HUNK: variants seen among roughly 807,000 people sequenced by gnomAD.
The protein encoded by HUNK is hormonally up-regulated neu tumor-associated kinase.
In HUNK, 21 loss-of-function variants were observed where a neutral mutation model predicts 61.0. The observed-to-expected ratio is 0.34, with a 90% CI of 0.24 to 0.50. The LOEUF is 0.50. Ranked by LOEUF, HUNK falls within the 20% of genes least tolerant of loss-of-function variation. The probability of loss-of-function intolerance (pLI) is 0.98; values close to 1 mark genes in which losing one functional copy is unlikely to be tolerated. For missense variants in HUNK, 772 were observed against 945.7 expected, an observed-to-expected ratio of 0.82 and a Z score of 2.41; for synonymous variants, 371 against 386.1, an observed-to-expected ratio of 0.96 and a Z score of 0.46.
chr21:31,883,554 A>G (rs576033890), intron 1 of HUNK, among the ~76,000 whole-genome samples: 1 of 152,204 alleles, frequency 6.6e-6, no homozygotes, highest in South Asian at 2.1e-4. Flanking sequence ...TGCAGTGTCT[A>G]CCACCTTCCC....
At chr21:31,984,363 A>G (rs1452635873) in intron 8 of HUNK, among the ~76,000 whole-genome samples, 1 of 152,200 alleles carries the variant, frequency 6.6e-6, no homozygotes, top group Non-Finnish European at 1.5e-5. Flanking sequence ...AAGATGTATA[A>G]TGATTATGCG....
At chr21:31,949,216 C>T (rs564321736) in intron 4 of HUNK, among the ~76,000 whole-genome samples, 4 of 152,256 alleles carry the variant, frequency 2.6e-5, no homozygotes, top group African/African-American at 4.8e-5. Context: ...GTGCTGATGA[C>T]GGGCCCAGGT....
In HUNK at chr21:31,896,030, G is replaced by C. The variant is rs532273695; in HGVS notation, c.261+22095G>C. On this transcript the variant is annotated intron_variant, in intron 1 of 10. Transcript: ENST00000270112. ...GTATGCCTAGAAGAAGAGGAAATTT[G>C]GACACAGATGTGCGCACACACAGAG... Among the ~76,000 whole-genome samples the C allele has an allele frequency of 1.3e-5, 2 of 151,712 alleles. 1 individual carries two copies. Among genetic ancestry groups the C allele is most frequent in the South Asian group, 4.2e-4 (2 of 4,784 alleles).
chr21:31,998,583 C>A lies in HUNK; in HGVS notation c.1544C>A (p.Ser515Tyr), dbSNP rs1268809771. ...RKTSDSNCVA[S>Y]SSMEFIPVPP... ...ACCTCAGATTCCAATTGTGTGGCTTCTTCTTCCATGGAGTTCATCCCCGTG... is the reference window on the plus strand; with the variant it reads ...ACCTCAGATTCCAATTGTGTGGCTTATTCTTCCATGGAGTTCATCCCCGTG... The change falls in exon 11 of 11, where the codon TCT (serine) becomes TAT (tyrosine). Residue 515 changes from serine to tyrosine, a missense_variant. By Grantham distance (144) the Ser-to-Tyr change is moderately radical (BLOSUM62 -2). This residue lies in a region of HUNK where 413 missense variants were observed against 444.4 expected (regional missense o/e 0.93). Coordinates refer to ENST00000270112, the MANE Select transcript of HUNK (RefSeq NM_014586.2). The A allele has an allele frequency of 6.2e-7, 1 of 1,610,944 alleles. No individual in the cohort carries two copies.
Position 31,873,957 on chromosome 21 carries a change from G to A in HUNK, c.261+22G>A, listed in dbSNP as rs2052236917. 4 of 1,472,930 alleles carry A rather than the reference G, an allele frequency of 2.7e-6. No individual in the cohort carries two copies. The highest frequency in any genetic ancestry group is 1.3e-5 in the South Asian group (1 of 74,658). 91.2% of individuals were successfully genotyped at this position (1,472,930 alleles called of 1,614,324 possible). A position where few individuals can be genotyped will look rare whatever the true frequency, so the allele number is the denominator to read the frequency against. On this transcript the variant is annotated intron_variant, in intron 1 of 10. Transcript: ENST00000270112. The surrounding 1 kb of genome is among the most constrained non-coding windows in gnomAD (Gnocchi z 6.1). ...GAAGGTGAGTCTCCCGGGCGCCGTG[G>A]GGCTGGGGCACAGGGGCGGGAGTCG...
At position 32,000,746 on chromosome 21, in the gene HUNK, G is replaced by T. The variant is rs1267810480; in HGVS notation, c.*1562G>T. On this transcript the variant is annotated 3_prime_UTR_variant, in exon 11 of 11. Coordinates refer to ENST00000270112, the MANE Select transcript of HUNK (RefSeq NM_014586.2). ...AGCCTTGCCAGAAGGCAGAGAGGCA[G>T]TTCTGAATCATTCTCTCATTCACCA... is the stretch of plus-strand genomic sequence containing the variant. The T allele has an allele frequency of 5.0e-6, 2 of 398,554 alleles. No homozygotes were observed. The highest frequency in any genetic ancestry group is 4.4e-6 in the Non-Finnish European group (1 of 226,094). The allele number at this position is 398,554 out of a possible 1,614,324, so 24.7% of individuals were successfully genotyped here.
chr21:31,901,242 C>T (rs1601367102), intron 1 of HUNK, among the ~76,000 whole-genome samples: 1 of 152,250 alleles, frequency 6.6e-6, no homozygotes, highest in South Asian at 2.1e-4. Context: ...AACAGGTTCT[C>T]AGCTTGAGTT....
Position 31,974,562 on chromosome 21 carries a change from C to G in HUNK, c.1018C>G (p.Leu340Val). ...TCTCTCTGCACCTCGCAGGATTTCT[C>G]TGGAAGATCTGAGCCCGAGCGTCGT... ...CNVTYPNRIS[L>V]EDLSPSVVLH... is the part of the protein sequence containing the mutation. Residue 340 changes from leucine to valine, a missense_variant, in exon 7 of 11, where the codon CTG becomes GTG. By Grantham distance (32) the Leu-to-Val change is conservative. Coordinates refer to ENST00000270112, the MANE Select transcript of HUNK (RefSeq NM_014586.2). 1 of 1,612,788 alleles carries G rather than the reference C, an allele frequency of 6.2e-7. No homozygotes were observed. The highest frequency in any genetic ancestry group is 8.5e-7 in the Non-Finnish European group (1 of 1,179,440).
intron 2 of HUNK, among the ~76,000 whole-genome samples, chr21:31,933,239 G>T (rs2052710373): frequency 6.6e-6 from 1 of 152,020 alleles, no homozygotes; most frequent in Non-Finnish European, 1.5e-5. Context: ...TGTGCCTTGA[G>T]CCACACCCCT....
At position 31,995,749 on chromosome 21, in the gene HUNK, G is replaced by A. The variant is rs2053199932; in HGVS notation, c.1306-19G>A. On this transcript the variant is annotated intron_variant, in intron 9 of 10. Transcript: ENST00000270112. ...TTCTAGTATGTGTCTAAGTGCATAT[G>A]TTTGCTTCTGATTTGTAGGATAAAA... 2 of 1,606,988 alleles carry A rather than the reference G, an allele frequency of 1.2e-6. No homozygotes were observed. The highest frequency in any genetic ancestry group is 4.5e-5 in the East Asian group (2 of 44,876).
intron 5 of HUNK, among the ~76,000 whole-genome samples, chr21:31,965,464 A>C (rs2052957882): frequency 6.6e-6 from 1 of 152,134 alleles, no homozygotes; most frequent in Non-Finnish European, 1.5e-5. Flanking sequence ...TAAAAGTTAA[A>C]AAAAAATTTT....
In HUNK at chr21:31,873,286, G is replaced by A. The variant is rs980526714; in HGVS notation, c.-389G>A. 3 of 151,802 alleles carry A rather than the reference G, an allele frequency of 2.0e-5. No homozygotes were observed. The highest frequency in any genetic ancestry group is 6.6e-5 in the Admixed American group (1 of 15,224). 9.4% of individuals were successfully genotyped at this position (151,802 alleles called of 1,614,324 possible). A position where few individuals can be genotyped will look rare whatever the true frequency, so the allele number is the denominator to read the frequency against. Reference sequence around the variant, plus strand: ...AGGCTGCGGAGGCACCCGGGCTCCCGGACCCAGGCACCCGGACCCCGGGAC... The same window carrying A: ...AGGCTGCGGAGGCACCCGGGCTCCCAGACCCAGGCACCCGGACCCCGGGAC... On this transcript the variant is annotated 5_prime_UTR_variant, in exon 1 of 11. Coordinates refer to ENST00000270112, the MANE Select transcript of HUNK (RefSeq NM_014586.2). The surrounding 1 kb of genome is among the most constrained non-coding windows in gnomAD (Gnocchi z 6.1).
At chr21:31,914,130 G>A (rs983501208) in intron 1 of HUNK, among the ~76,000 whole-genome samples, 2 of 152,260 alleles carry the variant, frequency 1.3e-5, no homozygotes, top group South Asian at 2.1e-4. Flanking sequence ...GCCCTAGGCC[G>A]GGCGCAGTGG....
At chr21:31,990,464 C>T (rs560098886) in intron 9 of HUNK, among the ~76,000 whole-genome samples, 1 of 151,968 alleles carries the variant, frequency 6.6e-6, no homozygotes, top group African/African-American at 2.4e-5. Context: ...ATGAGACCCA[C>T]CCACATTATG....
chr21:31,899,496 A>G lies in HUNK; in HGVS notation c.262-24972A>G, dbSNP rs150981917. ...ATCAGCTCTATGGGATTAGGGACCC[A>G]TCCTACTCCACTATGATCTTATCTT... On this transcript the variant is annotated intron_variant, in intron 1 of 10. Transcript: ENST00000270112. 2.5e-4 allele frequency among the ~76,000 whole-genome samples: 38 copies of G among 152,302 alleles called. No homozygotes were observed. In the East Asian group the frequency reaches 3.7e-3, roughly 15 times the overall value.
chr21:31,921,105 A>G (rs1384078025), intron 1 of HUNK, among the ~76,000 whole-genome samples: 1 of 144,252 alleles, frequency 6.9e-6, no homozygotes, highest in Non-Finnish European at 1.5e-5. Flanking sequence ...GGAGCCGCCA[A>G]GATTGTGCCA....
rs747878987 is a variant in HUNK at position 31,958,956 on chromosome 21, C to T, written c.860C>T (p.Thr287Ile). ...MVDKEMNPLP[T>I]QLSTGAISFL... is the part of the protein sequence containing the mutation. ...GACAAAGAAATGAACCCCCTCCCCACTCAGCTCTCCACAGGTAATGCACCA... is the reference window on the plus strand; with the variant it reads ...GACAAAGAAATGAACCCCCTCCCCATTCAGCTCTCCACAGGTAATGCACCA... Residue 287 changes from threonine (T) to isoleucine (I), a missense_variant, in exon 5 of 11, where the codon ACT becomes ATT. By Grantham distance (89) the Thr-to-Ile change is moderately conservative. This residue lies in a region of HUNK where 359 missense variants were observed against 501.3 expected (regional missense o/e 0.72). Transcript: ENST00000270112. 4 of 1,606,864 alleles carry T rather than the reference C, an allele frequency of 2.5e-6. No individual in the cohort carries two copies. Among genetic ancestry groups the T allele is most frequent in the Non-Finnish European group, 2.5e-6 (3 of 1,177,490 alleles).
intron 1 of HUNK, among the ~76,000 whole-genome samples, chr21:31,923,941 G>A (rs1427229568): frequency 7.9e-5 from 12 of 152,160 alleles, no homozygotes; most frequent in Non-Finnish European, 1.5e-4. Context: ...GGCGGAGCGG[G>A]GGCGGGCAAG....
intron 10 of HUNK, 21 bp downstream of exon 10, chr21:31,995,969 C>A: frequency 6.3e-7 from 1 of 1,592,324 alleles, no homozygotes; most frequent in Non-Finnish European, 8.6e-7. Flanking sequence ...TCTGGGGACT[C>A]TCTCAGGCCA....
Sources: gnomAD v4.1 joint callset for allele counts (sites outside exome capture counted in the v4.1 genomes callset) on GRCh38, gnomAD v4.1.1 for gene constraint, gnomAD v4.1.1 regional missense constraint, Gnocchi (gnomAD v3.1) non-coding constraint, MANE v1.5 for transcripts, NCBI Gene and HGNC (gene_info 2026-07-23, HGNC 2026-07-21) for gene names.